The following MMP17 variants were observed in gnomAD, a reference collection of about 807,000 sequenced individuals.
MMP17 encodes matrix metallopeptidase 17, also known as matrix metalloproteinase-17.
In MMP17, 54 loss-of-function variants were observed where a neutral mutation model predicts 49.1. That is an observed-to-expected ratio of 1.10 (90% confidence interval 0.88 to 1.38). The LOEUF is 1.38. Among genes scored for constraint, MMP17 ranks in the 40% most tolerant of loss-of-function variants. MMP17 has a pLI of 0.00. For missense variants in MMP17, 837 were observed against 853.7 expected (o/e 0.98, Z 0.24); for synonymous variants, 397 against 383.1 (o/e 1.04, Z -0.42).
At position 131,850,043 on chromosome 12, in the gene MMP17, C is replaced by G. The variant is rs879200974; in HGVS notation, c.1446C>G (p.Ala482=). 1 of 1,611,916 alleles carries G rather than the reference C, an allele frequency of 6.2e-7. No homozygotes were observed. Among genetic ancestry groups the G allele is most frequent in the Non-Finnish European group, 8.5e-7 (1 of 1,179,344 alleles). ...GTGTCCCCAGCACGCTGGACGACGC[C>G]ATGCGCTGGTCCGACGGTGAGTGCC... ...WRGVPSTLDD[A]MRWSDGASYF... The change falls in exon 9 of 10, where the codon GCC becomes GCG. Residue 482 remains alanine (A), a synonymous_variant. Transcript: ENST00000360564.
Position 131,841,678 on chromosome 12 carries a change from T to C in MMP17, c.761T>C (p.Ile254Thr), listed in dbSNP as rs991514266. Reference protein sequence around the residue: ...AVAVHEFGHAIGLSHVAAAHS... With the variant: ...AVAVHEFGHATGLSHVAAAHS... ...GCTGTCCACGAGTTTGGCCACGCCA[T>C]TGGGTTAAGCCATGTGGCCGCTGCA... Residue 254 changes from isoleucine to threonine, a missense_variant, in exon 5 of 10, where the codon ATT (isoleucine) becomes ACT (threonine). Ile to Thr is a moderately conservative substitution (Grantham distance 89). Coordinates refer to ENST00000360564, the MANE Select transcript of MMP17 (RefSeq NM_016155.7). The C allele has an allele frequency of 6.2e-7, 1 of 1,613,942 alleles. No homozygotes were observed. The highest frequency in any genetic ancestry group is 1.7e-5 in the Admixed American group (1 of 60,002).
At position 131,851,484 on chromosome 12, in the gene MMP17, G is replaced by A. The variant is rs2136349440; in HGVS notation, c.*210G>A. ...CTGTCCCCTAGTGAGGGACTGTGTT[G>A]ACTGACGAGCCGAGGGGTGGCCGCT... On this transcript the variant is annotated 3_prime_UTR_variant, in exon 10 of 10. Transcript: ENST00000360564. 4.7e-6 allele frequency: 2 copies of A among 425,084 alleles called. No individual in the cohort carries two copies. The highest frequency in any genetic ancestry group is 7.1e-5 in the East Asian group (2 of 28,146). The allele number at this position is 425,084 out of a possible 1,614,324, so 26.3% of individuals were successfully genotyped here.
intron 8 of MMP17, among the ~76,000 whole-genome samples, chr12:131,847,058 A>T (rs1248547318): frequency 2.0e-5 from 3 of 150,788 alleles, no homozygotes; most frequent in African/African-American, 4.9e-5. Flanking sequence ...GCTGCACTGC[A>T]CCATGATCGT....
Position 131,849,878 on chromosome 12 carries a change from G to T in MMP17, c.1281G>T (p.Pro427=), listed in dbSNP as rs757130498. The change falls in exon 9 of 10, where the codon CCG becomes CCT. Residue 427 remains proline, a synonymous_variant. Coordinates refer to ENST00000360564, the MANE Select transcript of MMP17 (RefSeq NM_016155.7). The part of the protein sequence containing the change: ...YPRPVSDFSL[P]PGGIDAAFSW... The stretch of plus-strand genomic sequence containing the variant: ...GCCCCGTCTCCGACTTCAGCCTCCC[G>T]CCTGGCGGCATCGACGCTGCCTTCT... The T allele has an allele frequency of 1.2e-6, 2 of 1,613,904 alleles. No homozygotes were observed. Among genetic ancestry groups the T allele is most frequent in the Middle Eastern group, 1.6e-4 (1 of 6,084 alleles).
In MMP17 at chr12:131,846,276, C is replaced by T. The variant is rs1887698877; in HGVS notation, c.1204+827C>T. On this transcript the variant is annotated intron_variant, in intron 8 of 9. Transcript: ENST00000360564. The surrounding 1 kb of genome is among the most constrained non-coding windows in gnomAD (Gnocchi z 4.6). ...TCAGCCACATCCCTCCTGCCACCGC[C>T]TCTGTCTCCACCCGGCCGTCTCCTC... 6.6e-6 allele frequency among the ~76,000 whole-genome samples: 1 copy of T among 152,228 alleles called. No individual in the cohort carries two copies. Among genetic ancestry groups the T allele is most frequent in the Non-Finnish European group, 1.5e-5 (1 of 68,042 alleles).
At chr12:131,849,764 G>A (rs1486968473) in intron 8 of MMP17, 38 bp from the exon 9 acceptor site, 2 of 1,584,096 alleles carry the variant, frequency 1.3e-6, no homozygotes, top group Non-Finnish European at 1.7e-6. Context: ...TCGGGGTGGG[G>A]CCGAGCCCCG....
At chr12:131,840,317 G>A (rs975215995) in intron 3 of MMP17, 93 of 475,834 alleles carry the variant, frequency 2.0e-4, no homozygotes, top group African/African-American at 1.4e-3. Flanking sequence ...GCTCCACGCG[G>A]GAGCTGACGT....
intron 8 of MMP17, among the ~76,000 whole-genome samples, chr12:131,847,087 G>A (rs1441994737): frequency 1.3e-5 from 2 of 151,008 alleles, no homozygotes; most frequent in African/African-American, 4.9e-5. Context: ...CTCCAGCCTG[G>A]GCGACAGAGC....
intron 6 of MMP17, chr12:131,844,917 G>T (rs747426230): frequency 6.8e-6 from 4 of 589,182 alleles, no homozygotes; most frequent in Non-Finnish European, 1.2e-5. Flanking sequence ...TGCTCAGAGC[G>T]TAGATCTCGG....
chr12:131,844,788 G>C (rs1304116081), intron 6 of MMP17: 1 of 362,544 alleles, frequency 2.8e-6, no homozygotes, highest in Non-Finnish European at 5.2e-6. Flanking sequence ...GCCCGGGCTT[G>C]GGGTCCCGTG....
chr12:131,844,990 G>C, intron 6 of MMP17, 128 bp from the exon 7 acceptor site: 1 of 930,228 alleles, frequency 1.1e-6, no homozygotes. Context: ...CAGACCTCTA[G>C]GCAAGGATAG....
Position 131,832,555 on chromosome 12 carries a change from A to AGAC in MMP17, c.159+3904_159+3906dup, listed in dbSNP as rs1360115813. ...TGGCTGTGGACGCAGGGCAGGTGTC[A>AGAC]GACGCATGCAGGGCGGCGTTTCTGT... On this transcript the variant is annotated intron_variant, in intron 1 of 9. Transcript: ENST00000360564. 1.1e-4 allele frequency among the ~76,000 whole-genome samples: 16 copies of AGAC among 152,154 alleles called. No individual in the cohort carries two copies. In the South Asian group the frequency reaches 3.3e-3, roughly 32 times the overall value.
chr12:131,844,124 G>C (rs1887570904), intron 6 of MMP17, 43 bp downstream of exon 6: 2 of 1,480,308 alleles, frequency 1.4e-6, no homozygotes, highest in South Asian at 2.4e-5. Flanking sequence ...GGGTCTGTCT[G>C]TCCTCATCCC....
Position 131,840,260 on chromosome 12 carries a change from G to A in MMP17, c.423-313G>A, listed in dbSNP as rs995066752. 4.1e-5 allele frequency: 13 copies of A among 317,320 alleles called. No individual in the cohort carries two copies. The Admixed American group carries it at 4.9e-4, about 12-fold the overall frequency. 19.7% of individuals were successfully genotyped at this position (317,320 alleles called of 1,614,324 possible). A position where few individuals can be genotyped will look rare whatever the true frequency, so the allele number is the denominator to read the frequency against. ...AGAGAGCCCCTTCAGTGGGGAGCAG[G>A]GGGATGGGGCAGACGGGACGCACCG... On this transcript the variant is annotated intron_variant, in intron 3 of 9. Transcript: ENST00000360564.
intron 6 of MMP17, chr12:131,844,716 C>T: frequency 5.9e-5 from 15 of 256,132 alleles, no homozygotes; most frequent in Non-Finnish European, 9.3e-5. Context: ...CACCTTGTCC[C>T]TGACCTTCTG....
chr12:131,846,810 C>T lies in MMP17; in HGVS notation c.1204+1361C>T, dbSNP rs1310663883. On this transcript the variant is annotated intron_variant, in intron 8 of 9. Coordinates refer to ENST00000360564, the MANE Select transcript of MMP17 (RefSeq NM_016155.7). This position sits in a 1 kb window ranked among gnomAD's most constrained non-coding sequence, Gnocchi z 4.6. ...CAATCCAATGTGGCAGCCACTCCCA[C>T]AGTCACGGGCGGGACCCCGTTTCCT... 6.6e-6 allele frequency among the ~76,000 whole-genome samples: 1 copy of T among 152,210 alleles called. No homozygotes were observed. Among genetic ancestry groups the T allele is most frequent in the Admixed American group, 6.5e-5 (1 of 15,272 alleles).
At chr12:131,849,774 G>C in intron 8 of MMP17, 28 bp from the exon 9 acceptor site, 1 of 1,594,620 alleles carries the variant, frequency 6.3e-7, no homozygotes, top group Non-Finnish European at 8.6e-7. Flanking sequence ...GCCGAGCCCC[G>C]GCCCACAGCT....
intron 6 of MMP17, chr12:131,844,809 C>T (rs1459584035): frequency 2.5e-6 from 1 of 395,762 alleles, no homozygotes; most frequent in African/African-American, 2.0e-5. Context: ...GCGTGGGGTC[C>T]CGTGGCGTGG....
chr12:131,841,580 G>A, intron 4 of MMP17, 44 bp from the exon 5 acceptor site: 3 of 1,608,180 alleles, frequency 1.9e-6, no homozygotes, highest in South Asian at 2.2e-5. Context: ...CGCGGGGACA[G>A]GGCCCTTCTT....
Sources: allele counts gnomAD v4.1 joint callset (sites outside exome capture counted in the v4.1 genomes callset), GRCh38; gene constraint gnomAD v4.1.1; non-coding constraint Gnocchi (gnomAD v3.1); transcripts MANE v1.5; gene names NCBI Gene and HGNC (gene_info 2026-07-23, HGNC 2026-07-21).